The following C8orf34 variants were observed in gnomAD, a reference collection of about 807,000 sequenced individuals.
C8orf34 encodes uncharacterized protein C8orf34.
C8orf34 carries 65 observed loss-of-function variants against 68.3 expected under a neutral mutation model. The observed-to-expected ratio is 0.95, with a 90% CI of 0.78 to 1.17. The LOEUF (loss-of-function observed/expected upper bound fraction) is 1.17. C8orf34 is among the 50% of genes most tolerant of loss of function. C8orf34 has a pLI of 0.00. For synonymous variants in C8orf34, 244 were observed against 241.2 expected (o/e 1.01, Z -0.11); for missense variants, 664 against 655.4 (o/e 1.01, Z -0.14).
intron 1 of C8orf34, among the ~76,000 whole-genome samples, chr8:68,376,610 C>CT (rs113971584): frequency 0.026 from 3,718 of 145,484 alleles, 124 homozygotes; most frequent in East Asian, 0.1. Context: ...CATCTTTCTC[C>CT]TTTTTTTTTT....
At chr8:68,649,002 G>A (rs1417223657) in intron 8 of C8orf34, among the ~76,000 whole-genome samples, 2 of 151,934 alleles carry the variant, frequency 1.3e-5, no homozygotes, top group Admixed American at 6.6e-5. Flanking sequence ...CATTGTATTT[G>A]GTTTCATTTT....
At chr8:68,386,581 CT>C (rs1165986764) in intron 1 of C8orf34, among the ~76,000 whole-genome samples, 1 of 152,134 alleles carries the variant, frequency 6.6e-6, no homozygotes, top group Non-Finnish European at 1.5e-5. Flanking sequence ...CTATAACCTC[CT>C]AAGTGTCTAT....
At chr8:68,547,559 CAA>C (rs1434282059) in intron 7 of C8orf34, among the ~76,000 whole-genome samples, 3 of 151,530 alleles carry the variant, frequency 2.0e-5, no homozygotes, top group African/African-American at 7.3e-5. Flanking sequence ...CAAAACCTGG[CAA>C]AGACATTAAA....
chr8:68,806,928 G>C lies in C8orf34; in HGVS notation c.1550-8958G>C, dbSNP rs139964294. On this transcript the variant is annotated intron_variant, in intron 12 of 13. Coordinates refer to ENST00000518698, the MANE Select transcript of C8orf34 (RefSeq NM_052958.4). ...GTGTCAGCTGCAGTGATTTACCTGG[G>C]GCTGGAGATACACTTGCAAGATGGT... Among the ~76,000 whole-genome samples, 466 of 152,260 alleles carry C rather than the reference G, an allele frequency of 3.1e-3. 2 individuals carry two copies. The highest frequency in any genetic ancestry group is 0.011 in the African/African-American group (448 of 41,560).
intron 1 of C8orf34, among the ~76,000 whole-genome samples, chr8:68,404,071 A>G (rs943180103): frequency 6.6e-6 from 1 of 152,192 alleles, no homozygotes; most frequent in African/African-American, 2.4e-5. Flanking sequence ...TGCCATTCTT[A>G]CTGGCGTGAG....
rs897055339 is a variant in C8orf34, at chr8:68,537,716, T to C, written c.1105+4567T>C. On this transcript the variant is annotated intron_variant, in intron 7 of 13. Transcript: ENST00000518698. ...TTTCTTTGCTTTTGCTAAATGTATC[T>C]CAGTCCCTTTTATTACCTTCTAGAT... Among the ~76,000 whole-genome samples, 7 of 152,254 alleles carry C rather than the reference T, an allele frequency of 4.6e-5. No individual in the cohort carries two copies. The South Asian group carries it at 8.3e-4, about 18-fold the overall frequency.
chr8:68,608,011 A>G (rs1480533878), intron 7 of C8orf34, among the ~76,000 whole-genome samples: 1 of 152,046 alleles, frequency 6.6e-6, no homozygotes, highest in Non-Finnish European at 1.5e-5. Context: ...TCTGGTCAAA[A>G]AATGAACAGA....
In C8orf34 at chr8:68,796,822, CTT is replaced by C. The variant is rs372049123; in HGVS notation, c.1549+9307_1549+9308del. The stretch of plus-strand genomic sequence containing the variant: ...TTTTGAAAAATATATTTGAGTTCTT[CTT>C]TTTTTTTTTTTTTTTTTTTTGAGAC... On this transcript the variant is annotated intron_variant, in intron 12 of 13. Transcript: ENST00000518698. 1.9e-3 allele frequency among the ~76,000 whole-genome samples: 230 copies of C among 122,806 alleles called. 3 individuals carry two copies. The Middle Eastern group carries it at 0.031, about 17-fold the overall frequency. The allele number at this position is 122,806 out of a possible 152,430, so 80.6% of individuals were successfully genotyped here.
chr8:68,666,345 T>A (rs983113867), intron 8 of C8orf34, among the ~76,000 whole-genome samples: 7 of 151,068 alleles, frequency 4.6e-5, no homozygotes, highest in African/African-American at 1.2e-4. Flanking sequence ...GTCTTTGTTA[T>A]CATTGTCATT....
At chr8:68,330,709 T>C, upstream of C8orf34, 1 of 319,784 alleles carries the variant, frequency 3.1e-6, no homozygotes, top group Non-Finnish European at 5.6e-6. Flanking sequence ...AGGGAGCGGC[T>C]GGTAGGGCGA....
chr8:68,760,624 T>C (rs1822998223), intron 10 of C8orf34, among the ~76,000 whole-genome samples: 1 of 152,252 alleles, frequency 6.6e-6, no homozygotes, highest in Non-Finnish European at 1.5e-5. Flanking sequence ...TAAATTCTCA[T>C]AAGAGCCTAA....
chr8:68,798,886 A>G (rs1378548605), intron 12 of C8orf34, among the ~76,000 whole-genome samples: 1 of 152,216 alleles, frequency 6.6e-6, no homozygotes, highest in East Asian at 1.9e-4. Context: ...ATCTCACCAC[A>G]TAAAGTATTA....
chr8:68,724,047 C>G (rs886258121), intron 10 of C8orf34, among the ~76,000 whole-genome samples: 3 of 151,990 alleles, frequency 2.0e-5, no homozygotes, highest in African/African-American at 2.4e-5. Flanking sequence ...TAAAACAATA[C>G]ATGAATAAAT....
intron 1 of C8orf34, among the ~76,000 whole-genome samples, chr8:68,404,385 C>T (rs1809096084): frequency 6.6e-6 from 1 of 152,142 alleles, no homozygotes; most frequent in Non-Finnish European, 1.5e-5. Flanking sequence ...TTAATTAGAT[C>T]TCCTTTGTCA....
At chr8:68,382,324 A>G (rs1563393310) in intron 1 of C8orf34, among the ~76,000 whole-genome samples, 1 of 151,218 alleles carries the variant, frequency 6.6e-6, no homozygotes, top group African/African-American at 2.4e-5. Context: ...CAATCTTGAC[A>G]GTGTTATAGG....
At chr8:68,422,331 A>G (rs1383096855) in intron 1 of C8orf34, among the ~76,000 whole-genome samples, 1 of 152,230 alleles carries the variant, frequency 6.6e-6, no homozygotes, top group African/African-American at 2.4e-5. Context: ...GTATTGGGTA[A>G]ATACACCCAT....
chr8:68,555,519 T>C (rs546591837), intron 7 of C8orf34, among the ~76,000 whole-genome samples: 29 of 152,244 alleles, frequency 1.9e-4, no homozygotes, highest in Admixed American at 5.9e-4. Context: ...TAGAAAACTC[T>C]TATACTATTA....
rs57444673 is a variant in C8orf34, at chr8:68,401,115, G to GTTT, written c.328-38371_328-38369dup. Among the ~76,000 whole-genome samples, 893 of 139,014 alleles carry GTTT rather than the reference G, an allele frequency of 6.4e-3. 16 individuals carry two copies. The highest frequency in any genetic ancestry group is 0.021 in the African/African-American group (795 of 37,668). The allele number at this position is 139,014 out of a possible 152,430, so 91.2% of individuals were successfully genotyped here. On this transcript the variant is annotated intron_variant, in intron 1 of 13. Transcript: ENST00000518698. Reference sequence around the variant, plus strand: ...ACCTCCTTGGTTAAACATATTCCTAGTTTTTTTTTTTTTTTGTAGCTATTG... The same window carrying GTTT: ...ACCTCCTTGGTTAAACATATTCCTAGTTTTTTTTTTTTTTTTTTGTAGCTATTG...
At chr8:68,577,823 C>T (rs1157523425) in intron 7 of C8orf34, among the ~76,000 whole-genome samples, 1 of 151,358 alleles carries the variant, frequency 6.6e-6, no homozygotes, top group Admixed American at 6.6e-5. Flanking sequence ...ATTCTAAAAA[C>T]CTTACTTTTG....
Sources: gnomAD v4.1 joint callset for allele counts (sites outside exome capture counted in the v4.1 genomes callset) on GRCh38, gnomAD v4.1.1 for gene constraint, MANE v1.5 for transcripts, NCBI Gene and HGNC (gene_info 2026-07-23, HGNC 2026-07-21) for gene names.